NR2C2: variants seen among roughly 807,000 people sequenced by gnomAD.
NR2C2 encodes the protein Nuclear hormone receptor TR4.
In NR2C2, 6 loss-of-function variants were observed where a neutral mutation model predicts 62.9. The ratio of observed to expected loss-of-function variants is 0.10; its 90% CI spans 0.05 to 0.19. NR2C2 has a LOEUF of 0.19. Among genes scored for constraint, NR2C2 ranks in the 10% least tolerant of loss-of-function variants. The pLI is 1.00. For missense variants in NR2C2, 479 were observed against 762.7 expected (o/e 0.63, Z 4.38); for synonymous variants, 272 against 273.8 (o/e 0.99, Z 0.07).
chr3:14,966,362 C>T (rs573984837), intron 1 of NR2C2, among the ~76,000 whole-genome samples: 92 of 152,304 alleles, frequency 6.0e-4, no homozygotes, highest in African/African-American at 2.0e-3. Context: ...GAGACTCTAT[C>T]GAGTGAGATT....
intron 1 of NR2C2, among the ~76,000 whole-genome samples, chr3:14,953,595 AAAAG>A (rs1337655478): frequency 6.6e-6 from 1 of 152,162 alleles, no homozygotes; most frequent in East Asian, 1.9e-4. Flanking sequence ...ATGTTCCTTA[AAAAG>A]AAAGATTCAC....
intron 1 of NR2C2, among the ~76,000 whole-genome samples, chr3:14,972,371 C>T (rs555189978): frequency 6.6e-6 from 1 of 152,120 alleles, no homozygotes; most frequent in South Asian, 2.1e-4. Flanking sequence ...GACAGAGTTT[C>T]ACCATGATGG....
intron 1 of NR2C2, among the ~76,000 whole-genome samples, chr3:14,975,328 T>TGTTTCATTGATGAAACAGGTGG (rs1574949646): frequency 6.6e-6 from 1 of 152,246 alleles, no homozygotes; most frequent in East Asian, 1.9e-4. Context: ...TATCAATGAG[T>TGTTTCATTGATGAAACAGGTGG]GTTTCATTGA....
chr3:15,039,035 G>T, intron 12 of NR2C2, 87 bp from the exon 13 acceptor site: 1 of 938,556 alleles, frequency 1.1e-6, no homozygotes, highest in South Asian at 1.4e-5. Context: ...GAAGTTTGCA[G>T]AAGTTTGACT....
intron 1 of NR2C2, among the ~76,000 whole-genome samples, chr3:14,953,769 C>T (rs1424028675): frequency 6.6e-6 from 1 of 152,006 alleles, no homozygotes; most frequent in Non-Finnish European, 1.5e-5. Flanking sequence ...GTGGCAGGCG[C>T]CTGTAATCCC....
intron 11 of NR2C2, among the ~76,000 whole-genome samples, chr3:15,035,843 A>G (rs574440091): frequency 2.0e-3 from 300 of 152,392 alleles, no homozygotes; most frequent in African/African-American, 6.7e-3. Context: ...CCTGGGCAAC[A>G]TGGCGAAACC....
At chr3:14,998,225 G>A (rs1225449498) in intron 1 of NR2C2, among the ~76,000 whole-genome samples, 1 of 152,154 alleles carries the variant, frequency 6.6e-6, no homozygotes, top group Non-Finnish European at 1.5e-5. Context: ...ATGCTGCTGT[G>A]AACATTTGTA....
intron 4 of NR2C2, among the ~76,000 whole-genome samples, chr3:15,016,970 G>A (rs923600367): frequency 6.6e-6 from 1 of 152,194 alleles, no homozygotes; most frequent in Non-Finnish European, 1.5e-5. Flanking sequence ...AGGCAGACAG[G>A]AAGGAATGGA....
At chr3:14,965,805 A>G (rs1362747492) in intron 1 of NR2C2, among the ~76,000 whole-genome samples, 2 of 152,226 alleles carry the variant, frequency 1.3e-5, no homozygotes, top group South Asian at 2.1e-4. Flanking sequence ...CTGGGATTAC[A>G]GGCGTGGGGC....
intron 8 of NR2C2, 80 bp from the exon 9 acceptor site, chr3:15,030,195 T>C (rs1175475550): frequency 4.1e-6 from 5 of 1,217,324 alleles, no homozygotes; most frequent in Non-Finnish European, 5.8e-6. Context: ...CACTGTAGTT[T>C]TTCTAAATCA....
intron 1 of NR2C2, among the ~76,000 whole-genome samples, chr3:14,973,190 C>T (rs1188610138): frequency 6.6e-6 from 1 of 152,024 alleles, no homozygotes; most frequent in Non-Finnish European, 1.5e-5. Context: ...GTGTCATAAT[C>T]AAGAAATTAT....
chr3:14,971,719 T>TG (rs1211326092), intron 1 of NR2C2, among the ~76,000 whole-genome samples: 1 of 151,732 alleles, frequency 6.6e-6, no homozygotes, highest in Non-Finnish European at 1.5e-5. Context: ...GGTTTTGACT[T>TG]GCACTTCCCT....
intron 2 of NR2C2, among the ~76,000 whole-genome samples, chr3:15,005,096 C>G (rs986809897): frequency 2.6e-5 from 4 of 151,968 alleles, no homozygotes; most frequent in African/African-American, 9.7e-5. Flanking sequence ...GTTTATTTTC[C>G]TTGTTCTGAA....
chr3:14,957,558 A>G (rs997898046), intron 1 of NR2C2, among the ~76,000 whole-genome samples: 1 of 152,190 alleles, frequency 6.6e-6, no homozygotes, highest in African/African-American at 2.4e-5. Flanking sequence ...ATGATTTACT[A>G]CTATCATTCT....
chr3:14,953,202 AG>A (rs2039420642), intron 1 of NR2C2, among the ~76,000 whole-genome samples: 1 of 152,222 alleles, frequency 6.6e-6, no homozygotes, highest in South Asian at 2.1e-4. Context: ...GGCAATAAAA[AG>A]TACCTCCTTC....
chr3:14,972,070 A>C (rs1347356105), intron 1 of NR2C2, among the ~76,000 whole-genome samples: 2 of 151,772 alleles, frequency 1.3e-5, no homozygotes, highest in South Asian at 4.1e-4. Context: ...TGGCCTCCCA[A>C]AGTGCTTGGG....
chr3:14,947,866 A>G lies in NR2C2; in HGVS notation c.-80A>G, dbSNP rs1358641641. ...GCGCCGGGGGCCGCCCGCCGCAGAC[A>G]CGGGACCCGCTTCGAGGCCGCTTTG... On this transcript the variant is annotated 5_prime_UTR_variant, in exon 1 of 14. Coordinates refer to ENST00000425241, the MANE Select transcript of NR2C2 (RefSeq NM_001291694.2). 6.8e-6 allele frequency: 1 copy of G among 147,470 alleles called. No homozygotes were observed. Among genetic ancestry groups the G allele is most frequent in the African/African-American group, 2.5e-5 (1 of 40,228 alleles). 9.1% of individuals were successfully genotyped at this position (147,470 alleles called of 1,614,324 possible).
chr3:14,998,584 C>T (rs1326630918), intron 1 of NR2C2, among the ~76,000 whole-genome samples: 1 of 152,164 alleles, frequency 6.6e-6, no homozygotes, highest in East Asian at 1.9e-4. Flanking sequence ...TTCTGTTTAA[C>T]TCTTTGCTCA....
chr3:15,028,477 A>T, intron 7 of NR2C2, 109 bp from the exon 8 acceptor site: 1 of 1,007,552 alleles, frequency 9.9e-7, no homozygotes, highest in Non-Finnish European at 1.5e-6. Context: ...TTGTAGTCAC[A>T]CTTCCCTCTC....
Sources: gnomAD v4.1 joint callset for allele counts (sites outside exome capture counted in the v4.1 genomes callset) on GRCh38, gnomAD v4.1.1 for gene constraint, MANE v1.5 for transcripts, NCBI Gene and HGNC (gene_info 2026-07-23, HGNC 2026-07-21) for gene names.